SRRT: variants seen among roughly 807,000 people sequenced by gnomAD.
SRRT encodes the protein serrate RNA effector molecule homolog.
Under a neutral mutation model 103.2 loss-of-function variants are expected in SRRT, and 32 were observed. That is an observed-to-expected ratio of 0.31 (90% CI 0.23 to 0.42). The LOEUF (loss-of-function observed/expected upper bound fraction) is 0.42, where lower values mean the gene tolerates loss of function less well. SRRT is among the 10% of genes least tolerant of loss of function. SRRT has a pLI of 1.00. For missense variants in SRRT, 986 were observed against 1,207.5 expected (o/e 0.82, Z 2.72); for synonymous variants, 525 against 449.0 (o/e 1.17, Z -2.14).
At chr7:100,876,485 G>T (rs146730033) in intron 2 of SRRT, among the ~76,000 whole-genome samples, 13 of 152,272 alleles carry the variant, frequency 8.5e-5, no homozygotes, top group African/African-American at 2.9e-4. Context: ...GTCTTGCTCT[G>T]TTGCCCAGGT....
At position 100,887,002 on chromosome 7, in the gene SRRT, G is replaced by A. The variant is rs544796868; in HGVS notation, c.1821+34G>A. The A allele has an allele frequency of 3.1e-6, 5 of 1,610,214 alleles. No homozygotes were observed. The highest frequency in any genetic ancestry group is 1.7e-4 in the Middle Eastern group (1 of 6,050). On this transcript the variant is annotated intron_variant, in intron 14 of 19. Transcript: ENST00000611405. The surrounding 1 kb of genome is among the most constrained non-coding windows in gnomAD (Gnocchi z 4.1). ...GGCAGCGCGGGGCACGTGGGGGCTC[G>A]GGCGGTGAGGGCAGGAGCTGAACGC...
At chr7:100,876,029 G>C (rs1314632594) in intron 2 of SRRT, 6 of 305,288 alleles carry the variant, frequency 2.0e-5, no homozygotes, top group Non-Finnish European at 3.9e-5. Context: ...TGCTGCCCTG[G>C]CTGGAGTGCA....
rs1229144927 is a variant in SRRT, at chr7:100,887,847, G to C, written c.2314G>C (p.Gly772Arg). 1.2e-5 allele frequency: 20 copies of C among 1,604,512 alleles called. No individual in the cohort carries two copies. Among genetic ancestry groups the C allele is most frequent in the Non-Finnish European group, 1.7e-5 (20 of 1,171,970 alleles). ...TGAGATCAAGCCAGCCCAGCCACCT[G>C]GCCCCGCCCAGAGTAAGATACGATC... ...LPEIKPAQPP[G>R]PAQILPPGLT... The change falls in exon 17 of 20, where the codon GGC (glycine) becomes CGC (arginine). Residue 772 changes from glycine (G) to arginine (R), a missense_variant. Physicochemically the swap from Gly to Arg is moderately radical, Grantham distance 125 (BLOSUM62 -2). Transcript: ENST00000611405. This position sits in a 1 kb window ranked among gnomAD's most constrained non-coding sequence, Gnocchi z 4.1.
chr7:100,884,979 C>T lies in SRRT; in HGVS notation c.1098C>T (p.Ser366=), dbSNP rs1469179161. ...GTGACGACAGCTTTGACGAGGGCAG[C>T]GTGTCAGAGTCTGAGTCGGAGTCAG... ...HSGDDSFDEG[S]VSESESESES... is the part of the protein sequence containing the mutation. The change falls in exon 9 of 20, where the codon AGC becomes AGT. Residue 366 remains serine (S), a synonymous_variant. Coordinates refer to ENST00000611405, the MANE Select transcript of SRRT (RefSeq NM_015908.6). 10 of 1,613,694 alleles carry T rather than the reference C, an allele frequency of 6.2e-6. No individual in the cohort carries two copies. The highest frequency in any genetic ancestry group is 8.5e-6 in the Non-Finnish European group (10 of 1,179,968).
At position 100,887,641 on chromosome 7, in the gene SRRT, C is replaced by A; in HGVS notation, c.2170-62C>A. On this transcript the variant is annotated intron_variant, in intron 16 of 19. Coordinates refer to ENST00000611405, the MANE Select transcript of SRRT (RefSeq NM_015908.6). This position sits in a 1 kb window ranked among gnomAD's most constrained non-coding sequence, Gnocchi z 4.1. ...GCGGGAGCTGGGAATCCTTCCAGCTCGGGCCTGGGAGCGAGGCAACCCTTA... is the reference window on the plus strand; with the variant it reads ...GCGGGAGCTGGGAATCCTTCCAGCTAGGGCCTGGGAGCGAGGCAACCCTTA... 6.3e-7 allele frequency: 1 copy of A among 1,580,272 alleles called. No individual in the cohort carries two copies. Among genetic ancestry groups the A allele is most frequent in the Non-Finnish European group, 8.6e-7 (1 of 1,158,504 alleles).
intron 2 of SRRT, among the ~76,000 whole-genome samples, chr7:100,877,876 A>AT (rs1815903029): frequency 6.6e-6 from 1 of 152,122 alleles, no homozygotes; most frequent in Non-Finnish European, 1.5e-5. Flanking sequence ...ATGGGATGTT[A>AT]TTTTTACTTG....
Position 100,887,681 on chromosome 7 carries a change from C to G in SRRT, c.2170-22C>G, listed in dbSNP as rs375803125. On this transcript the variant is annotated intron_variant, in intron 16 of 19. Transcript: ENST00000611405. The surrounding 1 kb of genome is among the most constrained non-coding windows in gnomAD (Gnocchi z 4.1). Reference sequence around the variant, plus strand: ...GGCAACCCTTATGTGGCTGTCCTGACCCCTCTCCTCTCTCCACCCAGGGTC... The same window carrying G: ...GGCAACCCTTATGTGGCTGTCCTGAGCCCTCTCCTCTCTCCACCCAGGGTC... 1 of 1,599,366 alleles carries G rather than the reference C, an allele frequency of 6.3e-7. No individual in the cohort carries two copies. The highest frequency in any genetic ancestry group is 2.2e-5 in the East Asian group (1 of 44,474).
rs763587033 is a variant in SRRT at position 100,884,234 on chromosome 7, A to G, written c.752A>G (p.Asp251Gly). ...GCTGATGCCATTGTCAAGATGCTGG[A>G]TGCAGGTGTGCGGATTTGGAGGGGT... The part of the protein sequence containing the change: ...DKADAIVKML[D>G]AAVIKMEGGT... Residue 251 changes from aspartate to glycine, a missense_variant, in exon 6 of 20, where the codon GAT becomes GGT. Around this residue, in one of 6 missense-constraint regions of SRRT, gnomAD observed 274 missense variants for 358.5 expected, o/e 0.76. Coordinates refer to ENST00000611405, the MANE Select transcript of SRRT (RefSeq NM_015908.6). 6.2e-7 allele frequency: 1 copy of G among 1,614,088 alleles called. No individual in the cohort carries two copies. The highest frequency in any genetic ancestry group is 2.2e-5 in the East Asian group (1 of 44,868).
rs1443871777 is a variant in SRRT, at chr7:100,881,398, G to C, written c.236G>C (p.Arg79Pro). The change falls in exon 3 of 20, where the codon CGC becomes CCC. Residue 79 changes from arginine to proline, a missense_variant. By Grantham distance (103) the Arg-to-Pro change is moderately radical. Coordinates refer to ENST00000611405, the MANE Select transcript of SRRT (RefSeq NM_015908.6). ...CACGAACTCAGCCCGCCACAGAAGC[G>C]CATGAGGAGAGACTGGTGAGATGGA... ...PRHELSPPQK[R>P]MRRDWDEHSS... 10 of 1,612,938 alleles carry C rather than the reference G, an allele frequency of 6.2e-6. No individual in the cohort carries two copies. Among genetic ancestry groups the C allele is most frequent in the East Asian group, 2.2e-5 (1 of 44,868 alleles).
At position 100,888,069 on chromosome 7, in the gene SRRT, TC is replaced by T; in HGVS notation, c.2358del (p.Tyr787ThrfsTer9). Reference protein sequence around the residue: ...QILPPGLTPGLPYPHQTPQGL... With the variant: ...QILPPGLTPGXPYPHQTPQGL... ...CTCCCCCCAGGTTTGACCCCAGGAC[TC>T]CCCTACCCACACCAGACTCCCCAGG... On this transcript the variant is annotated frameshift_variant, in exon 18 of 20. Transcript: ENST00000611405. LOFTEE classifies it high-confidence loss of function. 1 of 1,565,280 alleles carries T rather than the reference TC, an allele frequency of 6.4e-7. No individual in the cohort carries two copies. The highest frequency in any genetic ancestry group is 8.6e-7 in the Non-Finnish European group (1 of 1,160,196).
At position 100,887,013 on chromosome 7, in the gene SRRT, G is replaced by T. The variant is rs1790193505; in HGVS notation, c.1822-34G>T. On this transcript the variant is annotated intron_variant, in intron 14 of 19. Transcript: ENST00000611405. The surrounding 1 kb of genome is among the most constrained non-coding windows in gnomAD (Gnocchi z 4.1). ...GCACGTGGGGGCTCGGGCGGTGAGG[G>T]CAGGAGCTGAACGCTCGCATTCACT... 4 of 1,612,046 alleles carry T rather than the reference G, an allele frequency of 2.5e-6. No homozygotes were observed. The highest frequency in any genetic ancestry group is 2.5e-6 in the Non-Finnish European group (3 of 1,178,498).
Position 100,885,011 on chromosome 7 carries a change from G to C in SRRT, c.1130G>C (p.Gly377Ala). Residue 377 changes from glycine to alanine, a missense_variant, in exon 9 of 20, where the codon GGC becomes GCC. By Grantham distance (60) the Gly-to-Ala change is moderately conservative (BLOSUM62 0). Coordinates refer to ENST00000611405, the MANE Select transcript of SRRT (RefSeq NM_015908.6). This position sits in a 1 kb window ranked among gnomAD's most constrained non-coding sequence, Gnocchi z 4.8. ...VSESESESES[G>A]QAEEEKEEAE... ...GAGTCTGAGTCGGAGTCAGAGAGCG[G>C]CCAGGCTGAGGAGGAGAAGGAGGAG... 6.2e-7 allele frequency: 1 copy of C among 1,614,002 alleles called. No individual in the cohort carries two copies. The highest frequency in any genetic ancestry group is 8.5e-7 in the Non-Finnish European group (1 of 1,179,998).
chr7:100,877,419 C>CAA (rs869150232), intron 2 of SRRT, among the ~76,000 whole-genome samples: 100 of 68,956 alleles, frequency 1.5e-3, no homozygotes, highest in African/African-American at 2.6e-3. Flanking sequence ...GACTCTGTCT[C>CAA]AAAAAAAAAA....
In SRRT at chr7:100,887,666, A is replaced by AGATC; in HGVS notation, c.2170-37_2170-36insGATC. Reference sequence around the variant, plus strand: ...CGGGCCTGGGAGCGAGGCAACCCTTATGTGGCTGTCCTGACCCCTCTCCTC... The same window carrying AGATC: ...CGGGCCTGGGAGCGAGGCAACCCTTAGATCTGTGGCTGTCCTGACCCCTCTCCTC... On this transcript the variant is annotated intron_variant, in intron 16 of 19. Transcript: ENST00000611405. The surrounding 1 kb of genome is among the most constrained non-coding windows in gnomAD (Gnocchi z 4.1). 6.3e-7 allele frequency: 1 copy of AGATC among 1,593,314 alleles called. No individual in the cohort carries two copies. The highest frequency in any genetic ancestry group is 2.2e-5 in the East Asian group (1 of 44,448).
chr7:100,888,569 T>G lies in SRRT; in HGVS notation c.*20T>G, dbSNP rs1790420366. On this transcript the variant is annotated 3_prime_UTR_variant, in exon 20 of 20. Transcript: ENST00000611405. The stretch of plus-strand genomic sequence containing the variant: ...TTTTGAGCCGTCCCCCGTTCCTCAG[T>G]CCTGTATCATCCATACTTGTACTAC... The G allele has an allele frequency of 6.2e-7, 1 of 1,613,804 alleles. No individual in the cohort carries two copies. Among genetic ancestry groups the G allele is most frequent in the Non-Finnish European group, 8.5e-7 (1 of 1,179,796 alleles).
At chr7:100,881,523 C>A (rs1789556778) in intron 3 of SRRT, 110 bp downstream of exon 3, 3 of 1,561,830 alleles carry the variant, frequency 1.9e-6, no homozygotes. Flanking sequence ...TCTCAACTTC[C>A]CATCACCCAT....
Position 100,884,349 on chromosome 7 carries a change from C to G in SRRT, c.758-19C>G. 1.2e-6 allele frequency: 2 copies of G among 1,612,890 alleles called. No homozygotes were observed. The highest frequency in any genetic ancestry group is 1.7e-6 in the Non-Finnish European group (2 of 1,179,640). On this transcript the variant is annotated intron_variant, in intron 6 of 19. Coordinates refer to ENST00000611405, the MANE Select transcript of SRRT (RefSeq NM_015908.6). ...AGCCAGGGCCCTGGGGTCATGACCT[C>G]TGTTCCCTTTGTTGGTAGCCGTGAT...
intron 2 of SRRT, among the ~76,000 whole-genome samples, chr7:100,876,704 A>C (rs557334731): frequency 6.6e-6 from 1 of 152,182 alleles, no homozygotes. Context: ...TGAGCTTGGC[A>C]TGGGGGATCA....
At position 100,885,852 on chromosome 7, in the gene SRRT, T is replaced by C. The variant is rs1458357261; in HGVS notation, c.1380-11T>C. On this transcript the variant is annotated splice_polypyrimidine_tract_variant and intron_variant, in intron 11 of 19. Transcript: ENST00000611405. This position sits in a 1 kb window ranked among gnomAD's most constrained non-coding sequence, Gnocchi z 4.8. ...TCGCTTGACTATGCTAACATTTTCT[T>C]TCTTGTGTAGGTTTTTCCGTCGTGG... The C allele has an allele frequency of 6.2e-7, 1 of 1,614,120 alleles. No homozygotes were observed. Among genetic ancestry groups the C allele is most frequent in the Admixed American group, 1.7e-5 (1 of 60,012 alleles).
Sources: gnomAD v4.1 joint callset for allele counts (sites outside exome capture counted in the v4.1 genomes callset) on GRCh38, gnomAD v4.1.1 for gene constraint, gnomAD v4.1.1 regional missense constraint, Gnocchi (gnomAD v3.1) non-coding constraint, MANE v1.5 for transcripts, NCBI Gene and HGNC (gene_info 2026-07-23, HGNC 2026-07-21) for gene names.